The following TECPR2 variants were observed in gnomAD, a reference collection of about 807,000 sequenced individuals.
TECPR2 encodes the protein tectonin beta-propeller repeat-containing protein 2.
Under a neutral mutation model 138.1 loss-of-function variants are expected in TECPR2, and 65 were observed. The ratio of observed to expected loss-of-function variants is 0.47; its 90% confidence interval spans 0.39 to 0.58. The LOEUF is 0.58. TECPR2 is among the 20% of genes least tolerant of loss of function. TECPR2 has a pLI of 0.00. For synonymous variants in TECPR2, 746 were observed against 749.8 expected (o/e 0.99, Z 0.08); for missense variants, 1,553 against 1,824.5 (o/e 0.85, Z 2.71).
At chr14:102,385,310 T>A (rs1031909594) in intron 2 of TECPR2, among the ~76,000 whole-genome samples, 3 of 152,156 alleles carry the variant, frequency 2.0e-5, no homozygotes, top group African/African-American at 7.2e-5. Context: ...AATCTATTCA[T>A]GAGGGATCTA....
intron 1 of TECPR2, among the ~76,000 whole-genome samples, chr14:102,368,257 C>T (rs368030375): frequency 3.3e-5 from 5 of 152,084 alleles, no homozygotes; most frequent in African/African-American, 1.2e-4. Flanking sequence ...GATCCACCTG[C>T]GTTGGCCTCC....
chr14:102,404,994 C>T (rs1888617820), intron 2 of TECPR2, among the ~76,000 whole-genome samples: 1 of 151,906 alleles, frequency 6.6e-6, no homozygotes, highest in African/African-American at 2.4e-5. Flanking sequence ...TGGACCCTTA[C>T]CTAATACTAC....
Position 102,498,358 on chromosome 14 carries a change from A to G in TECPR2, c.*101A>G. On this transcript the variant is annotated 3_prime_UTR_variant, in exon 20 of 20. Transcript: ENST00000359520. Reference sequence around the variant, plus strand: ...GGACGCGCTGCCTCAACACTTGTCCAGACACCTCTGGCCAGGTTGGACCCG... The same window carrying G: ...GGACGCGCTGCCTCAACACTTGTCCGGACACCTCTGGCCAGGTTGGACCCG... 1.4e-6 allele frequency: 2 copies of G among 1,411,524 alleles called. No individual in the cohort carries two copies. Among genetic ancestry groups the G allele is most frequent in the South Asian group, 2.8e-5 (2 of 71,490 alleles). 87.4% of individuals were successfully genotyped at this position (1,411,524 alleles called of 1,614,324 possible). A position where few individuals can be genotyped will look rare whatever the true frequency, so the allele number is the denominator to read the frequency against.
intron 7 of TECPR2, among the ~76,000 whole-genome samples, chr14:102,431,557 T>C (rs553344061): frequency 7.9e-5 from 12 of 152,254 alleles, no homozygotes; most frequent in Non-Finnish European, 1.5e-4. Context: ...TTAGCCAGGA[T>C]GGTCTTGATC....
chr14:102,452,678 G>A (rs375789334), intron 16 of TECPR2, 51 bp downstream of exon 16: 15 of 1,452,040 alleles, frequency 1.0e-5, no homozygotes, highest in African/African-American at 9.8e-5. Context: ...GCCCTAAACC[G>A]GCATCACAAC....
In TECPR2 at chr14:102,473,363, G is replaced by T. The variant is rs541602296; in HGVS notation, c.3789+8074G>T. On this transcript the variant is annotated intron_variant, in intron 17 of 19. Transcript: ENST00000359520. ...AGGGGAGATGGGGGTTCACTCTGAGGACTGGAACGTCAGAAGAGTTGGTTG... is the reference window on the plus strand; with the variant it reads ...AGGGGAGATGGGGGTTCACTCTGAGTACTGGAACGTCAGAAGAGTTGGTTG... 3.9e-5 allele frequency among the ~76,000 whole-genome samples: 6 copies of T among 152,356 alleles called. No individual in the cohort carries two copies. In the East Asian group the frequency reaches 7.7e-4, roughly 20 times the overall value.
intron 14 of TECPR2, 147 bp downstream of exon 14, chr14:102,450,016 TGTGATCA>T: frequency 8.1e-7 from 1 of 1,231,286 alleles, no homozygotes; most frequent in Non-Finnish European, 1.1e-6. Context: ...CTCTATGCTT[TGTGATCA>T]GTTTCTCTCC....
At chr14:102,452,240 C>G (rs931837415) in intron 15 of TECPR2, among the ~76,000 whole-genome samples, 154 bp from the exon 16 acceptor site, 2 of 152,218 alleles carry the variant, frequency 1.3e-5, no homozygotes, top group Admixed American at 6.5e-5. Context: ...AGTGCTACAC[C>G]GCTCCTGCCC....
chr14:102,409,444 G>A (rs1199282764), intron 4 of TECPR2, among the ~76,000 whole-genome samples: 2 of 151,606 alleles, frequency 1.3e-5, no homozygotes, highest in African/African-American at 4.9e-5. Flanking sequence ...GGATTACAGG[G>A]ACCTGCCATC....
chr14:102,438,336 C>T, intron 10 of TECPR2, 131 bp downstream of exon 10: 3 of 1,191,574 alleles, frequency 2.5e-6, no homozygotes, highest in Non-Finnish European at 3.4e-6. Context: ...CGTGCGTTCA[C>T]CAGGTTTGCC....
At chr14:102,393,909 T>G (rs1191504583) in intron 2 of TECPR2, among the ~76,000 whole-genome samples, 3 of 152,180 alleles carry the variant, frequency 2.0e-5, no homozygotes, top group Non-Finnish European at 4.4e-5. Flanking sequence ...TTCACAGCCA[T>G]TTTGAACTTG....
intron 12 of TECPR2, 85 bp from the exon 13 acceptor site, chr14:102,445,721 G>T: frequency 6.8e-7 from 1 of 1,475,632 alleles, no homozygotes; most frequent in East Asian, 2.4e-5. Context: ...CACGCCTGCC[G>T]GGAGACCCTG....
intron 4 of TECPR2, among the ~76,000 whole-genome samples, chr14:102,414,064 C>A (rs915913871): frequency 6.6e-6 from 1 of 152,170 alleles, no homozygotes; most frequent in Non-Finnish European, 1.5e-5. Context: ...TATTTAATAT[C>A]ATTTAATTTC....
chr14:102,383,138 C>T (rs1249893191), intron 2 of TECPR2, among the ~76,000 whole-genome samples: 2 of 152,172 alleles, frequency 1.3e-5, no homozygotes, highest in East Asian at 1.9e-4. Context: ...AGAACATTTC[C>T]AGCACCCCAG....
At position 102,496,788 on chromosome 14, in the gene TECPR2, C is replaced by A. The variant is rs942621891; in HGVS notation, c.3790-191C>A. ...CTGTCCCTCAGTCTGGCCCACCTGA[C>A]ATTCTGGAGACAAGTGACCATCTCC... is the stretch of plus-strand genomic sequence containing the variant. On this transcript the variant is annotated intron_variant, in intron 17 of 19. Coordinates refer to ENST00000359520, the MANE Select transcript of TECPR2 (RefSeq NM_014844.5). 10 of 807,738 alleles carry A rather than the reference C, an allele frequency of 1.2e-5. No individual in the cohort carries two copies. In the Admixed American group the frequency reaches 2.7e-4, roughly 21 times the overall value. The allele number at this position is 807,738 out of a possible 1,614,324, so 50.0% of individuals were successfully genotyped here.
intron 17 of TECPR2, among the ~76,000 whole-genome samples, chr14:102,470,934 TC>T (rs751197896): frequency 6.6e-5 from 10 of 151,690 alleles, no homozygotes; most frequent in Non-Finnish European, 1.3e-4. Context: ...TTCTCCTGCC[TC>T]AGCCTCACGA....
Position 102,435,037 on chromosome 14 carries a change from T to G in TECPR2, c.2220T>G (p.Leu740=). The stretch of plus-strand genomic sequence containing the variant: ...CAGCCAGCACTCACAAGCCCTGGCT[T>G]GAGCAGCCTCCACGGGATCAGACAT... ...ALAASTHKPW[L]EQPPRDQTLT... is the part of the protein sequence containing the mutation. The change falls in exon 9 of 20, where the codon CTT becomes CTG. Residue 740 remains leucine, a synonymous_variant. Transcript: ENST00000359520. 6.2e-7 allele frequency: 1 copy of G among 1,614,086 alleles called. No homozygotes were observed. Among genetic ancestry groups the G allele is most frequent in the Non-Finnish European group, 8.5e-7 (1 of 1,180,030 alleles).
In TECPR2 at chr14:102,434,989, G is replaced by C. The variant is rs1358533495; in HGVS notation, c.2172G>C (p.Gln724His). ...GTGTCTTGGGGAGTGTGGGAGGACAGCTGACTCCGGTCTCTGCCTTGGCAG... is the reference window on the plus strand; with the variant it reads ...GTGTCTTGGGGAGTGTGGGAGGACACCTGACTCCGGTCTCTGCCTTGGCAG... ...SERVLGSVGGQLTPVSALAAS... is the reference protein window; with the variant it reads ...SERVLGSVGGHLTPVSALAAS... The change falls in exon 9 of 20, where the codon CAG becomes CAC. Residue 724 changes from glutamine to histidine, a missense_variant. By Grantham distance (24) the Gln-to-His change is conservative. Transcript: ENST00000359520. 2 of 1,614,116 alleles carry C rather than the reference G, an allele frequency of 1.2e-6. No homozygotes were observed. Among genetic ancestry groups the C allele is most frequent in the South Asian group, 1.1e-5 (1 of 91,088 alleles).
At chr14:102,438,629 A>G (rs1190546) in intron 10 of TECPR2, among the ~76,000 whole-genome samples, 105,255 of 151,968 alleles carry the variant, frequency 0.69, 37,069 homozygotes, top group Middle Eastern at 0.77. Flanking sequence ...TGGATATGTT[A>G]GATATATTCC....
Sources: allele counts gnomAD v4.1 joint callset (sites outside exome capture counted in the v4.1 genomes callset), GRCh38; gene constraint gnomAD v4.1.1; transcripts MANE v1.5; gene names NCBI Gene and HGNC (gene_info 2026-07-23, HGNC 2026-07-21).